NCAPH2: variants seen among roughly 807,000 people sequenced by gnomAD.
The protein encoded by NCAPH2 is condensin-2 complex subunit H2.
Under a neutral mutation model 88.6 loss-of-function variants are expected in NCAPH2, and 56 were observed. The observed-to-expected ratio is 0.63, with a 90% CI of 0.51 to 0.79. NCAPH2 has a LOEUF of 0.79. NCAPH2 is among the 30% of genes least tolerant of loss of function. NCAPH2 has a pLI of 0.00. For missense variants in NCAPH2, 794 were observed against 792.0 expected, an observed-to-expected ratio of 1.00 and a Z score of -0.03; for synonymous variants, 378 against 313.6, an observed-to-expected ratio of 1.21 and a Z score of -2.17.
rs1049510614 is a variant in NCAPH2, at chr22:50,523,316, C to T, written c.1759C>T (p.His587Tyr). ...VDTMSLRLLT[H>Y]QRAHKRFQTY... ...CACCATGTCCCTGAGACTGCTCACG[C>T]ACCAGCGAGCGCACAAGCGCTTCCA... Residue 587 changes from histidine to tyrosine, a missense_variant, in exon 20 of 20, where the codon CAC becomes TAC. His to Tyr is a moderately conservative substitution (Grantham distance 83). Coordinates refer to ENST00000420993, the MANE Select transcript of NCAPH2 (RefSeq NM_152299.4). 3 of 1,586,922 alleles carry T rather than the reference C, an allele frequency of 1.9e-6. No homozygotes were observed. The highest frequency in any genetic ancestry group is 2.6e-6 in the Non-Finnish European group (3 of 1,166,712).
At chr22:50,522,110 C>G (rs2069120991) in intron 13 of NCAPH2, 71 bp downstream of exon 13, 18 of 1,612,524 alleles carry the variant, frequency 1.1e-5, no homozygotes, top group Admixed American at 1.7e-5. Context: ...CTGGTGTCAC[C>G]CAAAGCCTTG....
chr22:50,518,297 G>C lies in NCAPH2; in HGVS notation c.646+19G>C. The C allele has an allele frequency of 6.2e-7, 1 of 1,608,178 alleles. No individual in the cohort carries two copies. Among genetic ancestry groups the C allele is most frequent in the Non-Finnish European group, 8.5e-7 (1 of 1,177,814 alleles). Reference sequence around the variant, plus strand: ...CAGAAGGGTGAGGGCTTGGATGCGGGGGGCTTGGTGGGAAGGAAGGGAGGG... The same window carrying C: ...CAGAAGGGTGAGGGCTTGGATGCGGCGGGCTTGGTGGGAAGGAAGGGAGGG... On this transcript the variant is annotated intron_variant, in intron 7 of 19. Transcript: ENST00000420993.
intron 1 of NCAPH2, among the ~76,000 whole-genome samples, chr22:50,510,245 G>C (rs1272806199): frequency 6.6e-6 from 1 of 151,874 alleles, no homozygotes; most frequent in East Asian, 1.9e-4. Flanking sequence ...AAATAAAGAG[G>C]GACTTCATAT....
chr22:50,516,608 C>A (rs2068931469), intron 2 of NCAPH2, 60 bp downstream of exon 2: 6 of 1,510,436 alleles, frequency 4.0e-6, no homozygotes, highest in Non-Finnish European at 5.5e-6. Context: ...ACAGTCGGCT[C>A]TCCTTCTGGG....
At position 50,516,615 on chromosome 22, in the gene NCAPH2, T is replaced by C. The variant is rs568414719; in HGVS notation, c.210+67T>C. On this transcript the variant is annotated intron_variant, in intron 2 of 19. Coordinates refer to ENST00000420993, the MANE Select transcript of NCAPH2 (RefSeq NM_152299.4). The stretch of plus-strand genomic sequence containing the variant: ...GTGGGACCACAGTCGGCTCTCCTTC[T>C]GGGGCAGGTGCAGTGGTCGTCCCGT... 133 of 1,459,990 alleles carry C rather than the reference T, an allele frequency of 9.1e-5. No homozygotes were observed. In the East Asian group the frequency reaches 2.8e-3, roughly 30 times the overall value. 90.4% of individuals were successfully genotyped at this position (1,459,990 alleles called of 1,614,324 possible).
At chr22:50,508,926 C>G (rs141744057) in intron 1 of NCAPH2, among the ~76,000 whole-genome samples, 148 of 152,322 alleles carry the variant, frequency 9.7e-4, no homozygotes, top group Middle Eastern at 6.8e-3. Flanking sequence ...CTGTGTTAAG[C>G]TGTCTGCTCC....
rs1454207421 is a variant in NCAPH2 at position 50,508,859 on chromosome 22, A to G, written c.108+414A>G. ...TTCAAACCAATTTCAAGCTATTGCC[A>G]TGCTCTATCCTGTTAGCGATTAGTG... On this transcript the variant is annotated intron_variant, in intron 1 of 19. Coordinates refer to ENST00000420993, the MANE Select transcript of NCAPH2 (RefSeq NM_152299.4). 4.6e-5 allele frequency among the ~76,000 whole-genome samples: 7 copies of G among 152,244 alleles called. No individual in the cohort carries two copies. The South Asian group carries it at 1.2e-3, about 27-fold the overall frequency.
At chr22:50,515,653 C>T in intron 1 of NCAPH2, 1 of 1,206,246 alleles carries the variant, frequency 8.3e-7, no homozygotes, top group Non-Finnish European at 1.1e-6. Context: ...GCCTCGGCCT[C>T]CCAAAGTGCT....
At chr22:50,513,851 G>C (rs972259182) in intron 1 of NCAPH2, among the ~76,000 whole-genome samples, 1 of 152,182 alleles carries the variant, frequency 6.6e-6, no homozygotes, top group African/African-American at 2.4e-5. Flanking sequence ...CCTGTGGAGA[G>C]TTTGGGGGGC....
chr22:50,522,004 G>A lies in NCAPH2; in HGVS notation c.1127G>A (p.Ser376Asn). 1 of 1,614,034 alleles carries A rather than the reference G, an allele frequency of 6.2e-7. No individual in the cohort carries two copies. ...TTCACAGATGCAGACCATGCCGACAGCAGGCGGCTTCGGCGAAAGGGTCCG... is the reference window on the plus strand; with the variant it reads ...TTCACAGATGCAGACCATGCCGACAACAGGCGGCTTCGGCGAAAGGGTCCG... ...YLAAYADHAD[S>N]RRLRRKGPSF... is the part of the protein sequence containing the mutation. The change falls in exon 13 of 20, where the codon AGC (serine) becomes AAC (asparagine). Residue 376 changes from serine to asparagine, a missense_variant. Ser to Asn is a conservative substitution (Grantham distance 46, BLOSUM62 1). Around this residue, in one of 2 missense-constraint regions of NCAPH2, gnomAD observed 735 missense variants for 696.3 expected, o/e 1.06. Coordinates refer to ENST00000420993, the MANE Select transcript of NCAPH2 (RefSeq NM_152299.4).
intron 1 of NCAPH2, among the ~76,000 whole-genome samples, chr22:50,512,543 G>GTTTT (rs139798817): frequency 7.5e-6 from 1 of 132,958 alleles, no homozygotes; most frequent in African/African-American, 2.7e-5. Flanking sequence ...TTTGTCCTTT[G>GTTTT]TTTTTTTTTT....
rs527888621 is a variant in NCAPH2 at position 50,524,270 on chromosome 22, C to T, written c.*895C>T. ...CCAGGGCCCTGGGGCTGGCCCTGCCCACCTGTCTCTGCAGGGCCCTGCCTT... is the reference window on the plus strand; with the variant it reads ...CCAGGGCCCTGGGGCTGGCCCTGCCTACCTGTCTCTGCAGGGCCCTGCCTT... On this transcript the variant is annotated 3_prime_UTR_variant, in exon 20 of 20. Coordinates refer to ENST00000420993, the MANE Select transcript of NCAPH2 (RefSeq NM_152299.4). 1.2e-5 allele frequency: 19 copies of T among 1,604,284 alleles called. No homozygotes were observed. The highest frequency in any genetic ancestry group is 1.7e-5 in the Admixed American group (1 of 59,996).
chr22:50,517,818 T>C lies in NCAPH2; in HGVS notation c.420+9T>C. ...ATGATCAGACGCCCAGTGTGAGTCC[T>C]GGCCTGGCCCCTCTTAGGCTGGGGT... On this transcript the variant is annotated intron_variant, in intron 5 of 19. Transcript: ENST00000420993. 1 of 1,613,668 alleles carries C rather than the reference T, an allele frequency of 6.2e-7. No homozygotes were observed. Among genetic ancestry groups the C allele is most frequent in the East Asian group, 2.2e-5 (1 of 44,874 alleles).
intron 17 of NCAPH2, 25 bp from the exon 18 acceptor site, chr22:50,522,796 G>T: frequency 6.2e-7 from 1 of 1,612,772 alleles, no homozygotes; most frequent in Non-Finnish European, 8.5e-7. Context: ...TTGGGAGGCA[G>T]TAGCTCCTGC....
In NCAPH2 at chr22:50,522,908, C is replaced by G. The variant is rs1343198612; in HGVS notation, c.1513C>G (p.Leu505Val). The G allele has an allele frequency of 6.2e-7, 1 of 1,613,200 alleles. No homozygotes were observed. Among genetic ancestry groups the G allele is most frequent in the Non-Finnish European group, 8.5e-7 (1 of 1,180,002 alleles). ...IRDWEDTVQP[L>V]LQEQEQHVPF... Reference sequence around the variant, plus strand: ...GGACTGGGAGGACACAGTGCAGCCTCTGCTCCAGGAGCAGGTGAGGCGGGG... The same window carrying G: ...GGACTGGGAGGACACAGTGCAGCCTGTGCTCCAGGAGCAGGTGAGGCGGGG... Residue 505 changes from leucine to valine, a missense_variant, in exon 18 of 20, where the codon CTG becomes GTG. Transcript: ENST00000420993.
At chr22:50,517,693 CTG>C (rs765630778) in intron 4 of NCAPH2, 32 bp downstream of exon 4, 2 of 1,614,016 alleles carry the variant, frequency 1.2e-6, no homozygotes, top group African/African-American at 1.3e-5. Flanking sequence ...TCCCCGCCCA[CTG>C]TGTGTTTGCC....
At chr22:50,519,398 A>C (rs181658132) in intron 9 of NCAPH2, 78 bp downstream of exon 9, 1 of 1,581,922 alleles carries the variant, frequency 6.3e-7, no homozygotes, top group Non-Finnish European at 8.6e-7. Flanking sequence ...CACCTTGCAC[A>C]AGGAGGACAG....
At chr22:50,515,456 G>T (rs2068889040) in intron 1 of NCAPH2, among the ~76,000 whole-genome samples, 2 of 152,306 alleles carry the variant, frequency 1.3e-5, no homozygotes, top group South Asian at 4.1e-4. Context: ...GAGTGCAGTG[G>T]CGCGATCTCG....
At position 50,521,052 on chromosome 22, in the gene NCAPH2, C is replaced by T. The variant is rs2148665904; in HGVS notation, c.933+16C>T. 1.3e-6 allele frequency: 2 copies of T among 1,549,012 alleles called. No homozygotes were observed. Among genetic ancestry groups the T allele is most frequent in the Admixed American group, 2.0e-5 (1 of 50,904 alleles). ...CTGCGTGAAGGTAGGAGTGTTGGGGCCCTGACCCCCGGCAGGGAGGGATGG... is the reference window on the plus strand; with the variant it reads ...CTGCGTGAAGGTAGGAGTGTTGGGGTCCTGACCCCCGGCAGGGAGGGATGG... On this transcript the variant is annotated intron_variant, in intron 10 of 19. Transcript: ENST00000420993.
Sources: gnomAD v4.1 joint callset for allele counts (sites outside exome capture counted in the v4.1 genomes callset) on GRCh38, gnomAD v4.1.1 for gene constraint, gnomAD v4.1.1 regional missense constraint, MANE v1.5 for transcripts, NCBI Gene and HGNC (gene_info 2026-07-23, HGNC 2026-07-21) for gene names.